DENND6A: variants seen among roughly 807,000 people sequenced by gnomAD.
DENND6A encodes DENN domain containing 6A, also known as protein DENND6A.
In DENND6A, 43 loss-of-function variants were observed where a neutral mutation model predicts 95.5. The ratio of observed to expected loss-of-function variants is 0.45; its 90% CI spans 0.35 to 0.58. The LOEUF is 0.58. Ranked by LOEUF, DENND6A falls within the 20% of genes least tolerant of loss-of-function variation. The pLI is 0.00. For synonymous variants in DENND6A, 257 were observed against 260.4 expected (o/e 0.99, Z 0.13); for missense variants, 574 against 736.0 (o/e 0.78, Z 2.55).
intron 9 of DENND6A, among the ~76,000 whole-genome samples, chr3:57,649,922 T>TACACACACAC (rs5849223): frequency 6.7e-6 from 1 of 148,414 alleles, no homozygotes; most frequent in African/African-American, 2.5e-5. Context: ...TGTATATATA[T>TACACACACAC]ACACACACAC....
At chr3:57,663,803 T>A in intron 4 of DENND6A, 87 bp from the exon 5 acceptor site, 1 of 727,418 alleles carries the variant, frequency 1.4e-6, no homozygotes, top group Non-Finnish European at 2.1e-6. Flanking sequence ...CTTTTAATAT[T>A]AACATCAGGC....
chr3:57,672,511 G>A (rs1038400127), intron 1 of DENND6A, 73 bp from the exon 2 acceptor site: 22 of 1,468,668 alleles, frequency 1.5e-5, no homozygotes, highest in South Asian at 4.8e-5. Flanking sequence ...GGCCAGGCAC[G>A]GTGGCTCACG....
At chr3:57,665,248 T>C (rs180818651) in intron 4 of DENND6A, among the ~76,000 whole-genome samples, 153 of 152,314 alleles carry the variant, frequency 1.0e-3, no homozygotes, top group African/African-American at 3.6e-3. Context: ...TAGATTTTAC[T>C]TATATAATAT....
intron 12 of DENND6A, among the ~76,000 whole-genome samples, chr3:57,636,737 G>C (rs1451945670): frequency 6.6e-6 from 1 of 152,040 alleles, no homozygotes; most frequent in Non-Finnish European, 1.5e-5. Context: ...AGGAGTTCCA[G>C]ACCATCCTGG....
In DENND6A at chr3:57,628,333, G is replaced by A; in HGVS notation, c.1708C>T (p.Arg570Ter). 6.2e-7 allele frequency: 1 copy of A among 1,613,766 alleles called. No homozygotes were observed. Among genetic ancestry groups the A allele is most frequent in the Non-Finnish European group, 8.5e-7 (1 of 1,179,896 alleles). Residue 570 changes from arginine to a stop codon, truncating the protein, a stop_gained, in exon 20 of 20, where the codon CGA becomes TGA. Coordinates refer to ENST00000311128, the MANE Select transcript of DENND6A (RefSeq NM_152678.3). LOFTEE classifies it high-confidence loss of function. ...TCAGGTTTCACAGGTAAGTGCTCTC[G>A]ATCAGCCTGCAACTACATAAGGAAC... ...KLKNKLLQAD[R>*]EHLPVKPDTM... is the part of the protein sequence containing the mutation.
chr3:57,643,922 G>T (rs1447854110), intron 11 of DENND6A, among the ~76,000 whole-genome samples: 2 of 151,858 alleles, frequency 1.3e-5, no homozygotes, highest in Admixed American at 6.6e-5. Flanking sequence ...AAGCCAAGGT[G>T]GGCAGATCAC....
At chr3:57,674,079 T>C (rs1450035271) in intron 1 of DENND6A, among the ~76,000 whole-genome samples, 9 of 151,922 alleles carry the variant, frequency 5.9e-5, no homozygotes, top group Non-Finnish European at 1.3e-4. Context: ...CAAGAATATT[T>C]TTTTAAAAAT....
chr3:57,670,186 G>A (rs978133671), intron 3 of DENND6A, among the ~76,000 whole-genome samples: 2 of 152,066 alleles, frequency 1.3e-5, no homozygotes, highest in African/African-American at 2.4e-5. Context: ...GTATGCATGC[G>A]GGGGACTTTT....
chr3:57,655,017 C>A, intron 9 of DENND6A: 1 of 180,572 alleles, frequency 5.5e-6, no homozygotes, highest in Non-Finnish European at 1.1e-5. Flanking sequence ...TTGGTTTTCT[C>A]ATCTCTTGGA....
chr3:57,682,308 A>T (rs1405350322), intron 1 of DENND6A, among the ~76,000 whole-genome samples: 1 of 149,790 alleles, frequency 6.7e-6, no homozygotes, highest in Non-Finnish European at 1.5e-5. Context: ...AAAAAAAAAA[A>T]AATTATATTC....
intron 1 of DENND6A, among the ~76,000 whole-genome samples, chr3:57,692,375 T>C (rs956019302): frequency 1.3e-5 from 2 of 152,074 alleles, no homozygotes; most frequent in African/African-American, 4.8e-5. Context: ...CCTTAAAACT[T>C]GGTTGTGCAA....
chr3:57,644,870 T>C (rs1575827140), intron 11 of DENND6A, among the ~76,000 whole-genome samples: 2 of 141,578 alleles, frequency 1.4e-5, no homozygotes, highest in East Asian at 2.1e-4. Flanking sequence ...GCCCACTGGG[T>C]GAAACAGTGA....
Position 57,672,243 on chromosome 3 carries a change from GA to G in DENND6A, c.319+12del. 1 of 1,602,086 alleles carries G rather than the reference GA, an allele frequency of 6.2e-7. No individual in the cohort carries two copies. Among genetic ancestry groups the G allele is most frequent in the South Asian group, 1.1e-5 (1 of 88,702 alleles). On this transcript the variant is annotated intron_variant, in intron 3 of 19. Coordinates refer to ENST00000311128, the MANE Select transcript of DENND6A (RefSeq NM_152678.3). ...ATAAAATTAAACAGAAACACTGTAT[GA>G]AAAACAGTTACCTGAATTTGAATCT... is the stretch of plus-strand genomic sequence containing the variant.
intron 1 of DENND6A, among the ~76,000 whole-genome samples, chr3:57,688,635 A>T (rs1462908520): frequency 6.6e-6 from 1 of 152,068 alleles, no homozygotes; most frequent in Non-Finnish European, 1.5e-5. Context: ...ACTGCAGCAC[A>T]AACCAGCTTC....
intron 4 of DENND6A, among the ~76,000 whole-genome samples, chr3:57,664,322 TC>T (rs920134129): frequency 2.6e-5 from 4 of 152,196 alleles, no homozygotes; most frequent in African/African-American, 9.6e-5. Context: ...ACAATGTTTA[TC>T]AACATACAAT....
rs1269374707 is a variant in DENND6A at position 57,625,815 on chromosome 3, TGAA to T, written c.*2396_*2398del. ...AGGTTTCAGTTAAATACAGTAAAAATGAAGACACCATTATCATGCTAATTGGCA... is the reference window on the plus strand; with the variant it reads ...AGGTTTCAGTTAAATACAGTAAAAATGACACCATTATCATGCTAATTGGCA... On this transcript the variant is annotated 3_prime_UTR_variant, in exon 20 of 20. Transcript: ENST00000311128. The T allele has an allele frequency of 1.3e-5, 2 of 152,618 alleles. No homozygotes were observed. Among genetic ancestry groups the T allele is most frequent in the Admixed American group, 6.5e-5 (1 of 15,280 alleles). The allele number at this position is 152,618 out of a possible 1,614,324, so 9.5% of individuals were successfully genotyped here. A position where few individuals can be genotyped will look rare whatever the true frequency, so the allele number is the denominator to read the frequency against.
At chr3:57,638,184 G>C (rs1465592631) in intron 12 of DENND6A, among the ~76,000 whole-genome samples, 17 of 151,262 alleles carry the variant, frequency 1.1e-4, no homozygotes, top group Non-Finnish European at 4.4e-5. Flanking sequence ...ACACCATCAA[G>C]AGAGCAAAAA....
chr3:57,628,770 A>G (rs368301254), intron 19 of DENND6A, 41 bp downstream of exon 19: 9 of 1,590,880 alleles, frequency 5.7e-6, no homozygotes, highest in Non-Finnish European at 7.7e-6. Flanking sequence ...AATGTCTTCA[A>G]AGAAAAGTCA....
intron 9 of DENND6A, among the ~76,000 whole-genome samples, chr3:57,650,972 T>C (rs1271892623): frequency 1.3e-5 from 2 of 152,096 alleles, no homozygotes; most frequent in Admixed American, 6.6e-5. Flanking sequence ...TTAGTAGAGA[T>C]GGGGTTTCTC....
Sources: allele counts gnomAD v4.1 joint callset (sites outside exome capture counted in the v4.1 genomes callset), GRCh38; gene constraint gnomAD v4.1.1; transcripts MANE v1.5; gene names NCBI Gene and HGNC (gene_info 2026-07-23, HGNC 2026-07-21).